RCAN3: variants seen among roughly 807,000 people sequenced by gnomAD.
RCAN3 encodes the protein calcipressin-3.
In RCAN3, 19 loss-of-function variants were observed where a neutral mutation model predicts 21.9. That is an observed-to-expected ratio of 0.87 (90% CI 0.61 to 1.27). The LOEUF is 1.27. Ranked by LOEUF, RCAN3 falls within the 50% of genes most tolerant of loss-of-function variation. RCAN3 has a pLI of 0.00. For missense variants in RCAN3, 240 were observed against 300.1 expected (o/e 0.80, Z 1.48); for synonymous variants, 114 against 112.3 (o/e 1.01, Z -0.09).
At position 24,535,117 on chromosome 1, in the gene RCAN3, G is replaced by C. The variant is rs779074675; in HGVS notation, c.566G>C (p.Gly189Ala). The C allele has an allele frequency of 1.5e-5, 24 of 1,596,318 alleles. No individual in the cohort carries two copies. The Admixed American group carries it at 4.3e-4, about 29-fold the overall frequency. ...GPGEKYELHA[G>A]TESTPSVVVH... ...GGAGAGAAATATGAACTTCACGCGG[G>C]AACAGAGTCGACACCCAGCGTGGTG... is the stretch of plus-strand genomic sequence containing the variant. The change falls in exon 5 of 5, where the codon GGA (glycine) becomes GCA (alanine). Residue 189 changes from glycine to alanine, a missense_variant. Coordinates refer to ENST00000374395, the MANE Select transcript of RCAN3 (RefSeq NM_013441.4).
intron 3 of RCAN3, 23 bp downstream of exon 3, chr1:24,531,414 C>G: frequency 6.6e-7 from 1 of 1,522,420 alleles, no homozygotes; most frequent in Non-Finnish European, 8.9e-7. Flanking sequence ...GCAGAGAACA[C>G]TGTTCTCTAA....
intron 1 of RCAN3, among the ~76,000 whole-genome samples, chr1:24,510,039 CTT>C (rs1272078890): frequency 6.6e-6 from 1 of 152,124 alleles, no homozygotes; most frequent in East Asian, 1.9e-4. Context: ...AGGGATCTCT[CTT>C]TTTTTCTTAG....
At chr1:24,533,537 C>A (rs532049032) in intron 4 of RCAN3, among the ~76,000 whole-genome samples, 2 of 152,302 alleles carry the variant, frequency 1.3e-5, no homozygotes, top group African/African-American at 4.8e-5. Flanking sequence ...TGGTGGCCCA[C>A]GCCTGTAATC....
intron 1 of RCAN3, among the ~76,000 whole-genome samples, chr1:24,506,703 AG>A (rs1157321667): frequency 1.3e-5 from 2 of 151,060 alleles, no homozygotes; most frequent in Non-Finnish European, 3.0e-5. Flanking sequence ...AAAAAAAAAA[AG>A]GTACTCAAAA....
chr1:24,540,342 G>C lies in RCAN3; in HGVS notation c.*5065G>C, dbSNP rs969824957. On this transcript the variant is annotated 3_prime_UTR_variant, in exon 5 of 5. Coordinates refer to ENST00000374395, the MANE Select transcript of RCAN3 (RefSeq NM_013441.4). ...CTAAATTCGTTATGTGGTCTGTCTG[G>C]ATGTAAACCTATATATTTCCTTTTG... 9.2e-5 allele frequency: 14 copies of C among 152,342 alleles called. No homozygotes were observed. Among genetic ancestry groups the C allele is most frequent in the African/African-American group, 3.1e-4 (13 of 41,442 alleles). The allele number at this position is 152,342 out of a possible 1,614,324, so 9.4% of individuals were successfully genotyped here. A position where few individuals can be genotyped will look rare whatever the true frequency, so the allele number is the denominator to read the frequency against.
chr1:24,505,232 CTTTTTTTT>C (rs796980559), intron 1 of RCAN3, among the ~76,000 whole-genome samples: 69 of 65,738 alleles, frequency 1.0e-3, no homozygotes, highest in African/African-American at 2.5e-3. Flanking sequence ...TCTCTTTTTT[CTTTTTTTT>C]TTTTTTTTTT....
At chr1:24,521,500 T>C (rs890474258) in intron 2 of RCAN3, among the ~76,000 whole-genome samples, 3 of 152,182 alleles carry the variant, frequency 2.0e-5, no homozygotes, top group African/African-American at 7.2e-5. Context: ...GGCTCCTCTA[T>C]GTGCTGGAAC....
chr1:24,513,739 G>A (rs1054038126), intron 1 of RCAN3, among the ~76,000 whole-genome samples: 6 of 152,274 alleles, frequency 3.9e-5, no homozygotes, highest in Admixed American at 1.3e-4. Context: ...TTTGCCTACC[G>A]CAAATATTTC....
chr1:24,533,240 C>G lies in RCAN3; in HGVS notation c.527C>G (p.Ser176Cys). Residue 176 changes from serine (S) to cysteine (C), a missense_variant, in exon 4 of 5, where the codon TCC (serine) becomes TGC (cysteine). Physicochemically the swap from Ser to Cys is moderately radical, Grantham distance 112. Transcript: ENST00000374395. Reference protein sequence around the residue: ...VINYDLLCAVSKLGPGEKYEL... With the variant: ...VINYDLLCAVCKLGPGEKYEL... ...AATTATGATTTACTCTGTGCTGTTT[C>G]CAAATTGGGACCAGGTAATAAACTT... 1.3e-6 allele frequency: 2 copies of G among 1,555,826 alleles called. No homozygotes were observed. Among genetic ancestry groups the G allele is most frequent in the Non-Finnish European group, 1.7e-6 (2 of 1,156,118 alleles).
Position 24,539,073 on chromosome 1 carries a change from T to TA in RCAN3, c.*3797dup, listed in dbSNP as rs1553153353. ...GAAATCATATACTCTATCCCCATGT[T>TA]ACACAGATTAGAAAAACTGAGGTTA... On this transcript the variant is annotated 3_prime_UTR_variant, in exon 5 of 5. Transcript: ENST00000374395. 1.3e-5 allele frequency: 2 copies of TA among 152,182 alleles called. No individual in the cohort carries two copies. The highest frequency in any genetic ancestry group is 4.8e-5 in the African/African-American group (2 of 41,456). The allele number at this position is 152,182 out of a possible 1,614,324, so 9.4% of individuals were successfully genotyped here. A position where few individuals can be genotyped will look rare whatever the true frequency, so the allele number is the denominator to read the frequency against.
chr1:24,516,549 C>G (rs1648335246), intron 2 of RCAN3, among the ~76,000 whole-genome samples: 2 of 152,262 alleles, frequency 1.3e-5, no homozygotes, highest in Admixed American at 1.3e-4. Context: ...TAGCACATAG[C>G]TGATATTTGG....
rs528482680 is a variant in RCAN3, at chr1:24,511,747, A to G, written c.-59-2567A>G. On this transcript the variant is annotated intron_variant, in intron 1 of 4. Transcript: ENST00000374395. Reference sequence around the variant, plus strand: ...TCCCGTTTGAAAGCGGTACTGATAGACTTGCTCAGTGCAGGGTTGTGACAA... The same window carrying G: ...TCCCGTTTGAAAGCGGTACTGATAGGCTTGCTCAGTGCAGGGTTGTGACAA... 3.9e-5 allele frequency among the ~76,000 whole-genome samples: 6 copies of G among 152,352 alleles called. No homozygotes were observed. In the South Asian group the frequency reaches 1.2e-3, roughly 32 times the overall value.
In RCAN3 at chr1:24,535,329, G is replaced by A. The variant is rs576140088; in HGVS notation, c.*52G>A. ...TGCCCTGGTGGGCTCTGGCCATGGC[G>A]CTCTGTGCCTGCGGCCGATGCGTTG... is the stretch of plus-strand genomic sequence containing the variant. On this transcript the variant is annotated 3_prime_UTR_variant, in exon 5 of 5. Coordinates refer to ENST00000374395, the MANE Select transcript of RCAN3 (RefSeq NM_013441.4). The A allele has an allele frequency of 4.0e-6, 6 of 1,485,506 alleles. No individual in the cohort carries two copies. In the African/African-American group the frequency reaches 5.7e-5, roughly 14 times the overall value. 92.0% of individuals were successfully genotyped at this position (1,485,506 alleles called of 1,614,324 possible).
chr1:24,533,853 G>A (rs80091715), intron 4 of RCAN3, among the ~76,000 whole-genome samples: 12,113 of 152,134 alleles, frequency 0.08, 1,118 homozygotes, highest in African/African-American at 0.23. Flanking sequence ...ATAATACTCA[G>A]TAAATGTAAC....
In RCAN3 at chr1:24,539,451, T is replaced by C. The variant is rs1284923332; in HGVS notation, c.*4174T>C. On this transcript the variant is annotated 3_prime_UTR_variant, in exon 5 of 5. Transcript: ENST00000374395. ...AGCCAGCAATTATGTTGGTATTTTA[T>C]GTGGGCCTTCCCAGATTTTCATATT... is the stretch of plus-strand genomic sequence containing the variant. 6.6e-6 allele frequency: 1 copy of C among 152,270 alleles called. No homozygotes were observed. Among genetic ancestry groups the C allele is most frequent in the Non-Finnish European group, 1.5e-5 (1 of 68,046 alleles). The allele number at this position is 152,270 out of a possible 1,614,324, so 9.4% of individuals were successfully genotyped here.
rs1032236913 is a variant in RCAN3, at chr1:24,537,410, G to A, written c.*2133G>A. The A allele has an allele frequency of 1.3e-5, 2 of 152,046 alleles. No homozygotes were observed. The highest frequency in any genetic ancestry group is 2.1e-4 in the South Asian group (1 of 4,816). 9.4% of individuals were successfully genotyped at this position (152,046 alleles called of 1,614,324 possible). A position where few individuals can be genotyped will look rare whatever the true frequency, so the allele number is the denominator to read the frequency against. On this transcript the variant is annotated 3_prime_UTR_variant, in exon 5 of 5. Coordinates refer to ENST00000374395, the MANE Select transcript of RCAN3 (RefSeq NM_013441.4). The stretch of plus-strand genomic sequence containing the variant: ...TAATAAAATGAATTTTTTTAAAAAA[G>A]CTACTAAGTACCCATCAACTTTTTC...
chr1:24,514,841 C>T (rs1293262698), intron 2 of RCAN3, among the ~76,000 whole-genome samples: 3 of 151,766 alleles, frequency 2.0e-5, no homozygotes, highest in African/African-American at 4.8e-5. Flanking sequence ...TGGTGGTGCG[C>T]GCCTGTAATC....
intron 2 of RCAN3, among the ~76,000 whole-genome samples, chr1:24,517,432 A>G (rs1415140908): frequency 6.6e-6 from 1 of 151,786 alleles, no homozygotes; most frequent in Non-Finnish European, 1.5e-5. Context: ...TTTCTATTTC[A>G]ACCTTTTCTT....
chr1:24,514,249 T>C (rs1648113636), intron 1 of RCAN3, 65 bp from the exon 2 acceptor site: 24 of 738,602 alleles, frequency 3.2e-5, no homozygotes, highest in Non-Finnish European at 4.8e-5. Flanking sequence ...CCTGGAGACA[T>C]TGATTGATTG....
Sources: gnomAD v4.1 joint callset for allele counts (sites outside exome capture counted in the v4.1 genomes callset) on GRCh38, gnomAD v4.1.1 for gene constraint, MANE v1.5 for transcripts, NCBI Gene and HGNC (gene_info 2026-07-23, HGNC 2026-07-21) for gene names.